UGT1A4: variants seen among roughly 807,000 people sequenced by gnomAD.
UGT1A4 encodes UDP-glucuronosyltransferase 1A4.
UGT1A4 carries 32 observed loss-of-function variants against 41.1 expected under a neutral mutation model. The observed-to-expected ratio is 0.78, with a 90% CI of 0.59 to 1.05. The LOEUF (loss-of-function observed/expected upper bound fraction) is 1.05, where lower values mean the gene tolerates loss of function less well. Ranked by LOEUF, UGT1A4 falls within the 50% of genes least tolerant of loss-of-function variation. The probability of loss-of-function intolerance (pLI) is 0.00; values close to 1 mark genes in which losing one functional copy is unlikely to be tolerated. For synonymous variants in UGT1A4, 283 were observed against 265.1 expected (o/e 1.07, Z -0.66); for missense variants, 748 against 677.4 (o/e 1.10, Z -1.16).
chr2:233,760,536 C>T (rs2125985634), intron 1 of UGT1A4: 27 of 1,614,224 alleles, frequency 1.7e-5, no homozygotes, highest in Non-Finnish European at 2.3e-5. Flanking sequence ...CTGTGCCATT[C>T]CAAAGGGAGG....
intron 1 of UGT1A4, among the ~76,000 whole-genome samples, chr2:233,730,808 C>A (rs2078077498): frequency 6.6e-6 from 1 of 152,092 alleles, no homozygotes; most frequent in Non-Finnish European, 1.5e-5. Flanking sequence ...GGACATGCGT[C>A]CAAGAAGGGA....
chr2:233,744,040 C>T (rs1692664957), intron 1 of UGT1A4: 2 of 766,390 alleles, frequency 2.6e-6, no homozygotes, highest in South Asian at 1.7e-5. Context: ...TATGACGCAG[C>T]CACATCTCAT....
At chr2:233,720,032 C>T (rs1386441803) in intron 1 of UGT1A4, among the ~76,000 whole-genome samples, 2 of 152,104 alleles carry the variant, frequency 1.3e-5, no homozygotes, top group Middle Eastern at 3.2e-3. Context: ...TTTTGCTTGC[C>T]TGATTTTCAG....
chr2:233,745,211 C>T (rs1428887927), intron 1 of UGT1A4, among the ~76,000 whole-genome samples: 1 of 151,804 alleles, frequency 6.6e-6, no homozygotes, highest in African/African-American at 2.4e-5. Flanking sequence ...GAGATCCTCT[C>T]AGACAAAAGG....
chr2:233,734,422 T>C (rs1373952853), intron 1 of UGT1A4, among the ~76,000 whole-genome samples: 3 of 152,176 alleles, frequency 2.0e-5, no homozygotes, highest in Non-Finnish European at 4.4e-5. Context: ...TCTTTTCTTC[T>C]TTATTAGTCT....
chr2:233,731,059 T>C (rs1284464869), intron 1 of UGT1A4, among the ~76,000 whole-genome samples: 2 of 152,240 alleles, frequency 1.3e-5, no homozygotes, highest in African/African-American at 2.4e-5. Flanking sequence ...TGTATGAACT[T>C]CCATGATTTA....
Position 233,719,521 on chromosome 2 carries a change from T to C in UGT1A4, c.701T>C (p.Leu234Pro). The change falls in exon 1 of 5, where the codon CTT (leucine) becomes CCT (proline). Residue 234 changes from leucine to proline, a missense_variant. Transcript: ENST00000373409. ...ACTTTTTCTGCCCCTTATGCAAGTCTTGCCTCTGAGCTTTTTCAGAGAGAG... is the reference window on the plus strand; with the variant it reads ...ACTTTTTCTGCCCCTTATGCAAGTCCTGCCTCTGAGCTTTTTCAGAGAGAG... Reference protein sequence around the residue: ...CHTFSAPYASLASELFQREVS... With the variant: ...CHTFSAPYASPASELFQREVS... 6.2e-7 allele frequency: 1 copy of C among 1,613,998 alleles called. No individual in the cohort carries two copies. Among genetic ancestry groups the C allele is most frequent in the Non-Finnish European group, 8.5e-7 (1 of 1,179,870 alleles).
At chr2:233,729,142 C>T (rs757429126) in intron 1 of UGT1A4, 2 of 1,613,410 alleles carry the variant, frequency 1.2e-6, no homozygotes, top group Non-Finnish European at 1.7e-6. Context: ...CACAGGACTC[C>T]AGGTTCCCCT....
At chr2:233,744,133 C>T in intron 1 of UGT1A4, 1 of 354,200 alleles carries the variant, frequency 2.8e-6, no homozygotes, top group Non-Finnish European at 5.4e-6. Context: ...TCTGTGAGGC[C>T]CTGTGATGCT....
intron 1 of UGT1A4, chr2:233,761,147 C>T (rs1264463667): frequency 1.4e-5 from 23 of 1,614,204 alleles, no homozygotes; most frequent in Non-Finnish European, 1.8e-5. Context: ...AATCCACTAT[C>T]CCAGGTGTGT....
rs1699877276 is a variant in UGT1A4, at chr2:233,769,473, G to T, written c.1307+1034G>T. 7 of 1,609,972 alleles carry T rather than the reference G, an allele frequency of 4.3e-6. No homozygotes were observed. Among genetic ancestry groups the T allele is most frequent in the South Asian group, 2.2e-5 (2 of 90,952 alleles). On this transcript the variant is annotated intron_variant, in intron 4 of 4. Transcript: ENST00000373409. The surrounding 1 kb of genome is among the most constrained non-coding windows in gnomAD (Gnocchi z 4.4). ...CGTGTGCATTCATATGCGTGTGTGT[G>T]TGTGTGCGTGTGTTTATGAGAGTGT... is the stretch of plus-strand genomic sequence containing the variant.
chr2:233,768,128 C>A, intron 3 of UGT1A4, 92 bp from the exon 4 acceptor site: 1 of 1,605,472 alleles, frequency 6.2e-7, no homozygotes, highest in Non-Finnish European at 8.5e-7. Context: ...GTGAGTAACA[C>A]TGAGTCTTTG....
At chr2:233,761,879 T>C (rs1697890681) in intron 1 of UGT1A4, among the ~76,000 whole-genome samples, 1 of 152,212 alleles carries the variant, frequency 6.6e-6, no homozygotes, top group Admixed American at 6.5e-5. Flanking sequence ...AGAGCGTTCA[T>C]TCACTTATCC....
At chr2:233,758,342 G>C (rs956728370) in intron 1 of UGT1A4, among the ~76,000 whole-genome samples, 1 of 152,206 alleles carries the variant, frequency 6.6e-6, no homozygotes, top group African/African-American at 2.4e-5. Flanking sequence ...TGGAAGCTCT[G>C]CATGATGCAG....
At chr2:233,745,609 C>A (rs1421404648) in intron 1 of UGT1A4, among the ~76,000 whole-genome samples, 2 of 151,524 alleles carry the variant, frequency 1.3e-5, no homozygotes, top group Admixed American at 6.6e-5. Context: ...ACTTGGTAAG[C>A]ACACAATGAA....
At chr2:233,720,989 G>A (rs570345451) in intron 1 of UGT1A4, among the ~76,000 whole-genome samples, 1 of 151,692 alleles carries the variant, frequency 6.6e-6, no homozygotes, top group Non-Finnish European at 1.5e-5. Flanking sequence ...GGGATTACAG[G>A]CAAGAGCCAC....
chr2:233,760,289 T>C, intron 1 of UGT1A4: 1 of 1,613,270 alleles, frequency 6.2e-7, no homozygotes. Flanking sequence ...AAAGGCGCCA[T>C]GGCTGTGGAG....
At chr2:233,730,080 A>G (rs1159659352) in intron 1 of UGT1A4, 6 of 1,604,940 alleles carry the variant, frequency 3.7e-6, no homozygotes, top group Non-Finnish European at 5.1e-6. Context: ...TTCCATATTT[A>G]CTTATCTTTC....
intron 1 of UGT1A4, chr2:233,755,945 TC>T (rs1469845586): frequency 6.6e-6 from 1 of 152,216 alleles, no homozygotes; most frequent in African/African-American, 2.4e-5. Context: ...TTTGCATCTC[TC>T]TCTTTAGTAC....
Sources: gnomAD v4.1 joint callset for allele counts (sites outside exome capture counted in the v4.1 genomes callset) on GRCh38, gnomAD v4.1.1 for gene constraint, Gnocchi (gnomAD v3.1) non-coding constraint, MANE v1.5 for transcripts, NCBI Gene and HGNC (gene_info 2026-07-23, HGNC 2026-07-21) for gene names.